PDE11A: variants seen among roughly 807,000 people sequenced by gnomAD.
The protein encoded by PDE11A is dual 3',5'-cyclic-AMP and -GMP phosphodiesterase 11A.
PDE11A carries 100 observed loss-of-function variants against 100.5 expected under a neutral mutation model. That is an observed-to-expected ratio of 1.00 (90% CI 0.85 to 1.18). The LOEUF is 1.18. Ranked by LOEUF, PDE11A falls within the 50% of genes most tolerant of loss-of-function variation. The probability of loss-of-function intolerance (pLI) is 0.00; values close to 1 mark genes in which losing one functional copy is unlikely to be tolerated. For missense variants in PDE11A, 1,141 were observed against 1,152.6 expected (o/e 0.99, Z 0.15); for synonymous variants, 381 against 420.8 (o/e 0.91, Z 1.16).
chr2:177,928,964 T>C (rs1465033472), intron 2 of PDE11A, among the ~76,000 whole-genome samples: 3 of 152,230 alleles, frequency 2.0e-5, no homozygotes, highest in Admixed American at 6.5e-5. Flanking sequence ...TTTGAGAACC[T>C]TGAAAAAGTA....
At chr2:177,629,619 A>G in intron 19 of PDE11A, 57 bp from the exon 20 acceptor site, 1 of 1,558,922 alleles carries the variant, frequency 6.4e-7, no homozygotes, top group South Asian at 1.1e-5. Context: ...AGTAACTGAC[A>G]TGATTTTCCA....
At chr2:177,794,619 C>T (rs116278998) in intron 9 of PDE11A, among the ~76,000 whole-genome samples, 1,804 of 152,206 alleles carry the variant, frequency 0.012, 38 homozygotes, top group African/African-American at 0.04. Context: ...CTGCTGTCAG[C>T]CCCACAGACC....
At chr2:177,826,616 T>C (rs935608636) in intron 6 of PDE11A, among the ~76,000 whole-genome samples, 2 of 152,198 alleles carry the variant, frequency 1.3e-5, no homozygotes, top group African/African-American at 4.8e-5. Context: ...TCCTGAAAAA[T>C]AAATGATTGT....
chr2:177,737,150 G>T, intron 10 of PDE11A, among the ~76,000 whole-genome samples: 1 of 152,064 alleles, frequency 6.6e-6, no homozygotes, highest in Non-Finnish European at 1.5e-5. Context: ...TGAGGCAGGA[G>T]AATCGCTTTA....
At chr2:178,021,870 C>T (rs777641479) in intron 1 of PDE11A, among the ~76,000 whole-genome samples, 5 of 152,116 alleles carry the variant, frequency 3.3e-5, no homozygotes, top group African/African-American at 7.2e-5. Context: ...AGGCAATAAA[C>T]GCTGGTTAAT....
rs753795380 is a variant in PDE11A at position 177,993,157 on chromosome 2, C to G, written c.1071+21145G>C. Among the ~76,000 whole-genome samples the G allele has an allele frequency of 1.7e-4, 26 of 152,304 alleles. 1 individual carries two copies. In the Middle Eastern group the frequency reaches 0.01, roughly 60 times the overall value. ...AATACAGAGCTGAATGGAACCACCA[C>G]TGTCATCTGGCCCTCTGCCCACAGG... On this transcript the variant is annotated intron_variant, in intron 2 of 19. Coordinates refer to ENST00000286063, the MANE Select transcript of PDE11A (RefSeq NM_016953.4).
chr2:177,723,695 C>T (rs1162724993), intron 12 of PDE11A, among the ~76,000 whole-genome samples: 1 of 152,074 alleles, frequency 6.6e-6, no homozygotes, highest in Non-Finnish European at 1.5e-5. Context: ...TTTATTGATA[C>T]CCTACAGGAT....
At position 178,000,966 on chromosome 2, in the gene PDE11A, T is replaced by C. The variant is rs370829890; in HGVS notation, c.1071+13336A>G. Among the ~76,000 whole-genome samples the C allele has an allele frequency of 1.9e-4, 29 of 152,288 alleles. No homozygotes were observed. The South Asian group carries it at 4.8e-3, about 25-fold the overall frequency. ...AATGAACATCCACCGAGTGTCCCCA[T>C]GTGGTGTGCCAAGACAGACAGTTGC... On this transcript the variant is annotated intron_variant, in intron 2 of 19. Coordinates refer to ENST00000286063, the MANE Select transcript of PDE11A (RefSeq NM_016953.4).
intron 5 of PDE11A, among the ~76,000 whole-genome samples, chr2:177,853,870 ATATAGATATCTATATATGTG>A (rs1558974372): frequency 6.9e-6 from 1 of 145,330 alleles, no homozygotes; most frequent in Non-Finnish European, 1.5e-5. Context: ...CTATATATGT[ATATAGATATCTATATATGTG>A]TATAGATATA....
chr2:177,676,080 G>T (rs967367509), intron 16 of PDE11A: 9 of 187,210 alleles, frequency 4.8e-5, no homozygotes, highest in Non-Finnish European at 9.1e-5. Flanking sequence ...TCCAACAATG[G>T]TTTATAAGCA....
chr2:178,058,048 G>A (rs1186583740), intron 1 of PDE11A, among the ~76,000 whole-genome samples: 2 of 152,058 alleles, frequency 1.3e-5, no homozygotes, highest in Non-Finnish European at 2.9e-5. Context: ...AGTAAAGACA[G>A]GGTTTCACCA....
intron 2 of PDE11A, among the ~76,000 whole-genome samples, chr2:177,954,623 G>T (rs1210860162): frequency 6.6e-6 from 1 of 152,164 alleles, no homozygotes. Flanking sequence ...AGGGGGAAGA[G>T]AATCAAGTGC....
chr2:178,018,385 T>TTAACTTGGCACACTTGACTA, intron 1 of PDE11A: 1 of 495,454 alleles, frequency 2.0e-6, no homozygotes, highest in Non-Finnish European at 4.0e-6. Flanking sequence ...ACACTTGACT[T>TTAACTTGGCACACTTGACTA]TAACCTTTGC....
intron 12 of PDE11A, among the ~76,000 whole-genome samples, chr2:177,720,192 G>A (rs1318490494): frequency 2.0e-5 from 3 of 152,138 alleles, no homozygotes. Flanking sequence ...CCTAGGGGCA[G>A]CCTAATGGGT....
intron 14 of PDE11A, among the ~76,000 whole-genome samples, chr2:177,697,804 A>C (rs2081135770): frequency 6.6e-6 from 1 of 152,210 alleles, no homozygotes; most frequent in Non-Finnish European, 1.5e-5. Context: ...CCCTAAAATA[A>C]ATGCTATTTT....
At position 177,659,500 on chromosome 2, in the gene PDE11A, A is replaced by C. The variant is rs951434076; in HGVS notation, c.2646+4366T>G. Among the ~76,000 whole-genome samples the C allele has an allele frequency of 4.6e-5, 7 of 152,170 alleles. No individual in the cohort carries two copies. In the South Asian group the frequency reaches 1.5e-3, roughly 32 times the overall value. ...GAGAAAATATCCACTCCAAAATCAA[A>C]AGCCAGTTTGGGATGAGCTAAAAAT... On this transcript the variant is annotated intron_variant, in intron 19 of 19. Transcript: ENST00000286063.
intron 4 of PDE11A, among the ~76,000 whole-genome samples, chr2:177,894,379 AT>A (rs1037508477): frequency 6.6e-6 from 1 of 151,856 alleles, no homozygotes; most frequent in South Asian, 2.1e-4. Flanking sequence ...GCAGATTAAT[AT>A]TTTTTTTCAC....
chr2:177,954,568 C>T (rs2085538895), intron 2 of PDE11A, among the ~76,000 whole-genome samples: 1 of 152,086 alleles, frequency 6.6e-6, no homozygotes, highest in South Asian at 2.1e-4. Flanking sequence ...AACAGCAGTG[C>T]ACATATATAA....
intron 19 of PDE11A, among the ~76,000 whole-genome samples, chr2:177,639,175 A>G (rs1341511632): frequency 6.6e-6 from 1 of 152,142 alleles, no homozygotes; most frequent in Non-Finnish European, 1.5e-5. Flanking sequence ...CACTTCATTC[A>G]TTCCCCTTAC....
Sources: gnomAD v4.1 joint callset for allele counts (sites outside exome capture counted in the v4.1 genomes callset) on GRCh38, gnomAD v4.1.1 for gene constraint, MANE v1.5 for transcripts, NCBI Gene and HGNC (gene_info 2026-07-23, HGNC 2026-07-21) for gene names.